The following SELENOI variants were observed in gnomAD, a reference collection of about 807,000 sequenced individuals.
SELENOI encodes ethanolaminephosphotransferase 1.
In SELENOI, 24 loss-of-function variants were observed where a neutral mutation model predicts 50.7. The observed-to-expected ratio is 0.47, with a 90% confidence interval of 0.34 to 0.67. The LOEUF (loss-of-function observed/expected upper bound fraction) is 0.67. Among genes scored for constraint, SELENOI ranks in the 30% least tolerant of loss-of-function variants. SELENOI has a pLI of 0.01. For synonymous variants in SELENOI, 155 were observed against 170.2 expected, an observed-to-expected ratio of 0.91 and a Z score of 0.70; for missense variants, 352 against 461.4, an observed-to-expected ratio of 0.76 and a Z score of 2.17.
intron 1 of SELENOI, among the ~76,000 whole-genome samples, chr2:26,352,551 C>T (rs933973245): frequency 6.6e-5 from 10 of 152,050 alleles, no homozygotes; most frequent in African/African-American, 1.7e-4. Flanking sequence ...TTTGGGAGGC[C>T]GAGGCAGGTG....
Position 26,389,130 on chromosome 2 carries a change from A to G in SELENOI, c.*27A>G. The G allele has an allele frequency of 6.8e-7, 1 of 1,479,478 alleles. No individual in the cohort carries two copies. Among genetic ancestry groups the G allele is most frequent in the Non-Finnish European group, 9.3e-7 (1 of 1,080,510 alleles). The allele number at this position is 1,479,478 out of a possible 1,614,324, so 91.6% of individuals were successfully genotyped here. On this transcript the variant is annotated 3_prime_UTR_variant, in exon 10 of 10. Coordinates refer to ENST00000260585, the MANE Select transcript of SELENOI (RefSeq NM_033505.4). ...AATCTTTCTTTGGGCACAAAGAAGT[A>G]CTGTAAATAAATGCTTGTAAATATT...
intron 1 of SELENOI, among the ~76,000 whole-genome samples, chr2:26,357,491 C>G (rs536671800): frequency 2.0e-4 from 31 of 152,308 alleles, no homozygotes; most frequent in African/African-American, 7.5e-4. Context: ...TTTTAATTCT[C>G]TCATAGTTAC....
chr2:26,346,576 T>C (rs1574744119), intron 1 of SELENOI: 1 of 291,864 alleles, frequency 3.4e-6, no homozygotes, highest in African/African-American at 2.2e-5. Flanking sequence ...TTTAAACTTA[T>C]TATTTTCGTA....
chr2:26,383,051 C>T (rs997005705), intron 6 of SELENOI, among the ~76,000 whole-genome samples: 1 of 152,236 alleles, frequency 6.6e-6, no homozygotes, highest in South Asian at 2.1e-4. Flanking sequence ...CCTGAAGTCC[C>T]GTAATCAGTT....
chr2:26,371,856 AG>A (rs1677459821), intron 4 of SELENOI, among the ~76,000 whole-genome samples: 1 of 151,978 alleles, frequency 6.6e-6, no homozygotes. Flanking sequence ...CCATGGGGAG[AG>A]GGAAACCATG....
chr2:26,382,916 C>A (rs774078993), intron 6 of SELENOI, among the ~76,000 whole-genome samples: 1 of 152,146 alleles, frequency 6.6e-6, no homozygotes, highest in African/African-American at 2.4e-5. Context: ...AGTTTCAGTA[C>A]CCCATACTGT....
chr2:26,347,457 C>G (rs1003110679), intron 1 of SELENOI, among the ~76,000 whole-genome samples: 2 of 151,892 alleles, frequency 1.3e-5, no homozygotes, highest in African/African-American at 4.8e-5. Flanking sequence ...AAGCAAGGGT[C>G]CTTAGAAGGT....
chr2:26,367,831 C>G (rs139837843), intron 4 of SELENOI, among the ~76,000 whole-genome samples: 40 of 152,262 alleles, frequency 2.6e-4, no homozygotes, highest in Middle Eastern at 3.4e-3. Context: ...GCCAAGAATG[C>G]TTTTCATTAG....
chr2:26,352,753 C>T (rs762691812), intron 1 of SELENOI, among the ~76,000 whole-genome samples: 1 of 150,276 alleles, frequency 6.7e-6, no homozygotes, highest in Non-Finnish European at 1.5e-5. Flanking sequence ...CACTGCACTC[C>T]AGCATGGGAG....
intron 6 of SELENOI, among the ~76,000 whole-genome samples, chr2:26,382,232 TGA>T (rs762310255): frequency 1.3e-5 from 2 of 152,064 alleles, no homozygotes; most frequent in African/African-American, 2.4e-5. Flanking sequence ...AGAGGGATTC[TGA>T]GAGAGAGAGA....
chr2:26,346,350 G>T, intron 1 of SELENOI, 61 bp downstream of exon 1: 1 of 1,540,580 alleles, frequency 6.5e-7, no homozygotes, highest in East Asian at 2.4e-5. Context: ...CGGCTGAGGG[G>T]CCCGCGCGGC....
Position 26,389,339 on chromosome 2 carries a change from C to G in SELENOI, c.*236C>G. ...TGGTTGAGCAGAATGTACGTTAGAC[C>G]AGCAAAATGTTCCTAATGGTTCTAA... On this transcript the variant is annotated 3_prime_UTR_variant, in exon 10 of 10. Coordinates refer to ENST00000260585, the MANE Select transcript of SELENOI (RefSeq NM_033505.4). 2.5e-6 allele frequency: 1 copy of G among 404,486 alleles called. No individual in the cohort carries two copies. The highest frequency in any genetic ancestry group is 4.5e-6 in the Non-Finnish European group (1 of 222,552). 25.1% of individuals were successfully genotyped at this position (404,486 alleles called of 1,614,324 possible). A position where few individuals can be genotyped will look rare whatever the true frequency, so the allele number is the denominator to read the frequency against.
intron 1 of SELENOI, among the ~76,000 whole-genome samples, chr2:26,362,559 A>G (rs748127205): frequency 1.3e-5 from 2 of 151,778 alleles, no homozygotes; most frequent in Non-Finnish European, 1.5e-5. Context: ...TCAGGAGTTC[A>G]AGACCAGCCT....
At chr2:26,374,418 G>A (rs1677522777) in intron 5 of SELENOI, among the ~76,000 whole-genome samples, 1 of 152,148 alleles carries the variant, frequency 6.6e-6, no homozygotes, top group East Asian at 1.9e-4. Context: ...AAGTTGGAGT[G>A]TTTGTTGAAG....
chr2:26,374,726 G>C (rs191555001), intron 5 of SELENOI, among the ~76,000 whole-genome samples: 1 of 151,802 alleles, frequency 6.6e-6, no homozygotes, highest in African/African-American at 2.4e-5. Context: ...GCGCCACCAC[G>C]CCTGGCTAAT....
intron 1 of SELENOI, among the ~76,000 whole-genome samples, chr2:26,357,630 C>T (rs1179470696): frequency 2.6e-5 from 4 of 152,212 alleles, no homozygotes; most frequent in Non-Finnish European, 4.4e-5. Context: ...CCTGTGGCAG[C>T]GTAACTCCAA....
rs911489701 is a variant in SELENOI, at chr2:26,391,709, T to C, written c.*2606T>C. The C allele has an allele frequency of 1.2e-4, 2 of 16,038 alleles. No individual in the cohort carries two copies. The highest frequency in any genetic ancestry group is 8.5e-4 in the East Asian group (1 of 1,170). The allele number at this position is 16,038 out of a possible 1,614,324, so 1.0% of individuals were successfully genotyped here. ...CTGTAAGAAGTGTCTTTTTAGGTTA[T>C]GGTATTAAAAAAGTCGTTTCAGGCT... is the stretch of plus-strand genomic sequence containing the variant. On this transcript the variant is annotated 3_prime_UTR_variant, in exon 10 of 10. Transcript: ENST00000260585.
chr2:26,387,319 A>C (rs1030467891), intron 9 of SELENOI, among the ~76,000 whole-genome samples: 1 of 152,174 alleles, frequency 6.6e-6, no homozygotes, highest in South Asian at 2.1e-4. Flanking sequence ...TATTCCACCA[A>C]GGAGATTACT....
intron 1 of SELENOI, among the ~76,000 whole-genome samples, chr2:26,354,111 C>T (rs957654649): frequency 8.5e-5 from 13 of 152,086 alleles, no homozygotes; most frequent in African/African-American, 2.4e-4. Flanking sequence ...ATATTGTATA[C>T]TCTGTGCCAG....
Sources: allele counts gnomAD v4.1 joint callset (sites outside exome capture counted in the v4.1 genomes callset), GRCh38; gene constraint gnomAD v4.1.1; transcripts MANE v1.5; gene names NCBI Gene and HGNC (gene_info 2026-07-23, HGNC 2026-07-21).